The following NR6A1 variants were observed in gnomAD, a reference collection of about 807,000 sequenced individuals.
The protein encoded by NR6A1 is nuclear receptor subfamily 6 group A member 1, also known as retinoic acid receptor-related testis-associated receptor.
A neutral mutation model predicts 59.1 loss-of-function variants in NR6A1; 7 were observed. The observed-to-expected ratio is 0.12, with a 90% CI of 0.07 to 0.22. The LOEUF is 0.22. Ranked by LOEUF, NR6A1 falls within the 10% of genes least tolerant of loss-of-function variation. NR6A1 has a pLI of 1.00. For missense variants in NR6A1, 468 were observed against 611.6 expected, an observed-to-expected ratio of 0.77 and a Z score of 2.48; for synonymous variants, 243 against 236.1, an observed-to-expected ratio of 1.03 and a Z score of -0.27.
At chr9:124,602,177 AT>A (rs1193808307) in intron 2 of NR6A1, among the ~76,000 whole-genome samples, 2 of 152,226 alleles carry the variant, frequency 1.3e-5, no homozygotes, top group African/African-American at 4.8e-5. Flanking sequence ...GATTTTATCC[AT>A]GAATTTTTAA....
At chr9:124,603,769 G>C (rs969150861) in intron 2 of NR6A1, among the ~76,000 whole-genome samples, 11 of 152,056 alleles carry the variant, frequency 7.2e-5, no homozygotes, top group Non-Finnish European at 1.2e-4. Context: ...ACATAGGAAA[G>C]GGGGAAAAAA....
intron 2 of NR6A1, among the ~76,000 whole-genome samples, chr9:124,604,003 A>C (rs1041120137): frequency 3.9e-5 from 6 of 152,040 alleles, no homozygotes; most frequent in African/African-American, 1.4e-4. Context: ...TAAAAATTGA[A>C]CTCTCTAAGG....
intron 8 of NR6A1, among the ~76,000 whole-genome samples, chr9:124,526,225 C>T (rs1005951973): frequency 3.9e-5 from 6 of 152,112 alleles, no homozygotes; most frequent in Non-Finnish European, 8.8e-5. Flanking sequence ...AGGTAAGATA[C>T]CACATAAATC....
At chr9:124,682,099 A>T (rs189526675) in intron 2 of NR6A1, among the ~76,000 whole-genome samples, 3,199 of 152,134 alleles carry the variant, frequency 0.021, 121 homozygotes, top group Non-Finnish European at 0.023. Context: ...GGTTCAAGCG[A>T]TTCTCCTGCC....
chr9:124,710,323 A>G (rs1468126698), intron 2 of NR6A1, among the ~76,000 whole-genome samples: 1 of 152,248 alleles, frequency 6.6e-6, no homozygotes, highest in African/African-American at 2.4e-5. Flanking sequence ...TTCTGTCAAC[A>G]GAACTGACCA....
rs991161122 is a variant in NR6A1 at position 124,546,331 on chromosome 9, C to T, written c.386-2474G>A. 2.0e-5 allele frequency among the ~76,000 whole-genome samples: 3 copies of T among 152,182 alleles called. No individual in the cohort carries two copies. In the East Asian group the frequency reaches 5.8e-4, roughly 29 times the overall value. ...CTAAAGAGCAGAATCAGGGTTGGAACCCACACTATCAGACTGTAAGACCAG... is the reference window on the plus strand; with the variant it reads ...CTAAAGAGCAGAATCAGGGTTGGAATCCACACTATCAGACTGTAAGACCAG... On this transcript the variant is annotated intron_variant, in intron 3 of 9. Transcript: ENST00000487099.
At chr9:124,770,773 G>A (rs1193819619) in intron 1 of NR6A1, among the ~76,000 whole-genome samples, 1 of 148,984 alleles carries the variant, frequency 6.7e-6, no homozygotes, top group African/African-American at 2.5e-5. Flanking sequence ...GGTGCCCAGG[G>A]ACCCGGGCAG....
At chr9:124,525,188 T>C (rs1832897878) in intron 8 of NR6A1, among the ~76,000 whole-genome samples, 1 of 151,898 alleles carries the variant, frequency 6.6e-6, no homozygotes. Context: ...CTGAATAACC[T>C]ACCTTTCCAA....
rs1203859612 is a variant in NR6A1 at position 124,735,844 on chromosome 9, T to C, written c.101-2495A>G. Among the ~76,000 whole-genome samples, 3 of 152,204 alleles carry C rather than the reference T, an allele frequency of 2.0e-5. No homozygotes were observed. In the East Asian group the frequency reaches 5.8e-4, roughly 29 times the overall value. On this transcript the variant is annotated intron_variant, in intron 1 of 9. Coordinates refer to ENST00000487099, the MANE Select transcript of NR6A1 (RefSeq NM_033334.4). ...ATTTTATGGTTCACAGATGGTACCT[T>C]ATCACTGTTCTCACATGGTAGAATG...
intron 2 of NR6A1, among the ~76,000 whole-genome samples, chr9:124,726,576 T>C (rs761260645): frequency 6.6e-6 from 1 of 152,232 alleles, no homozygotes; most frequent in Non-Finnish European, 1.5e-5. Flanking sequence ...GTAGACTTTT[T>C]GCTTGTTTTA....
intron 2 of NR6A1, among the ~76,000 whole-genome samples, chr9:124,682,251 C>T (rs927705437): frequency 1.3e-5 from 2 of 152,184 alleles, no homozygotes; most frequent in Admixed American, 1.3e-4. Context: ...ATCCACCCAC[C>T]TCGGCCTCCC....
chr9:124,595,313 G>T (rs75216805), intron 2 of NR6A1, among the ~76,000 whole-genome samples: 3,470 of 152,196 alleles, frequency 0.023, 106 homozygotes, highest in East Asian at 0.085. Flanking sequence ...CCTTATCAAT[G>T]GCCTCATGAC....
intron 2 of NR6A1, among the ~76,000 whole-genome samples, chr9:124,648,459 A>C (rs1837001378): frequency 6.6e-6 from 1 of 152,226 alleles, no homozygotes; most frequent in Non-Finnish European, 1.5e-5. Context: ...CATACCTTAA[A>C]ATACAATAAA....
intron 2 of NR6A1, among the ~76,000 whole-genome samples, chr9:124,711,485 C>A (rs1381764576): frequency 6.6e-6 from 1 of 151,314 alleles, no homozygotes; most frequent in Non-Finnish European, 1.5e-5. Context: ...CTCCTTTATC[C>A]ATGCCCAAGG....
intron 2 of NR6A1, among the ~76,000 whole-genome samples, chr9:124,576,638 TA>T (rs1312612076): frequency 6.6e-6 from 1 of 152,226 alleles, no homozygotes; most frequent in Non-Finnish European, 1.5e-5. Flanking sequence ...CTGTGTGACT[TA>T]ATGTCTCCGA....
intron 2 of NR6A1, among the ~76,000 whole-genome samples, chr9:124,623,992 G>A (rs146213587): frequency 6.6e-6 from 1 of 152,144 alleles, no homozygotes; most frequent in Non-Finnish European, 1.5e-5. Flanking sequence ...AAGTCTGAAT[G>A]TAAGTTTATT....
chr9:124,584,327 G>T (rs567925499), intron 2 of NR6A1, among the ~76,000 whole-genome samples: 1 of 151,970 alleles, frequency 6.6e-6, no homozygotes, highest in African/African-American at 2.4e-5. Flanking sequence ...GGATGCTCTC[G>T]ATCTCCTGAC....
chr9:124,757,855 A>G (rs1375714336), intron 1 of NR6A1, among the ~76,000 whole-genome samples: 1 of 152,202 alleles, frequency 6.6e-6, no homozygotes, highest in Admixed American at 6.5e-5. Flanking sequence ...GTCCTTATCT[A>G]TGCTCTGAAA....
chr9:124,643,905 T>C (rs2130907082), intron 2 of NR6A1, among the ~76,000 whole-genome samples: 1 of 152,308 alleles, frequency 6.6e-6, no homozygotes, highest in South Asian at 2.1e-4. Context: ...CTGGGTTTTT[T>C]TGTTTTTGTT....
Sources: allele counts gnomAD v4.1 joint callset (sites outside exome capture counted in the v4.1 genomes callset), GRCh38; gene constraint gnomAD v4.1.1; transcripts MANE v1.5; gene names NCBI Gene and HGNC (gene_info 2026-07-23, HGNC 2026-07-21).